NINJ2: variants seen among roughly 807,000 people sequenced by gnomAD.
NINJ2 encodes the protein ninjurin-2.
NINJ2 carries 12 observed loss-of-function variants against 11.7 expected under a neutral mutation model. The observed-to-expected ratio is 1.02, with a 90% confidence interval of 0.66 to 1.66. The LOEUF (loss-of-function observed/expected upper bound fraction) is 1.66. NINJ2 is among the 40% of genes most tolerant of loss of function. The pLI is 0.00. For missense variants in NINJ2, 187 were observed against 181.8 expected (o/e 1.03, Z -0.16); for synonymous variants, 93 against 76.8 (o/e 1.21, Z -1.10).
In NINJ2 at chr12:628,077, A is replaced by G. The variant is rs1948230025; in HGVS notation, c.33+35251T>C. Reference sequence around the variant, plus strand: ...AGGCCTGGGAGTGAAAAGACTGGCCATGGGGACAGAGAGCTGGATCCAAAG... The same window carrying G: ...AGGCCTGGGAGTGAAAAGACTGGCCGTGGGGACAGAGAGCTGGATCCAAAG... On this transcript the variant is annotated intron_variant, in intron 1 of 3. Coordinates refer to ENST00000305108, the MANE Select transcript of NINJ2 (RefSeq NM_016533.6). The surrounding 1 kb of genome is among the most constrained non-coding windows in gnomAD (Gnocchi z 4.4). Among the ~76,000 whole-genome samples, 1 of 152,190 alleles carries G rather than the reference A, an allele frequency of 6.6e-6. No individual in the cohort carries two copies. The highest frequency in any genetic ancestry group is 2.1e-4 in the South Asian group (1 of 4,838).
At chr12:621,103 GA>G (rs2120377929) in intron 1 of NINJ2, among the ~76,000 whole-genome samples, 1 of 152,282 alleles carries the variant, frequency 6.6e-6, no homozygotes, top group East Asian at 1.9e-4. Context: ...GCTACTAGAA[GA>G]GGTTCCCCTG....
In NINJ2 at chr12:580,948, G is replaced by A. The variant is rs1242615697; in HGVS notation, c.34-14770C>T. Among the ~76,000 whole-genome samples, 3 of 151,652 alleles carry A rather than the reference G, an allele frequency of 2.0e-5. No homozygotes were observed. The highest frequency in any genetic ancestry group is 7.3e-5 in the African/African-American group (3 of 41,228). On this transcript the variant is annotated intron_variant, in intron 1 of 3. Coordinates refer to ENST00000305108, the MANE Select transcript of NINJ2 (RefSeq NM_016533.6). This position sits in a 1 kb window ranked among gnomAD's most constrained non-coding sequence, Gnocchi z 4.7. ...TGTGTGTGTGCCTGTGTGTCTGTGT[G>A]TATTCATGTGTGTTTGTGTGTATGT...
chr12:566,905 C>G (rs1261900743), intron 1 of NINJ2, among the ~76,000 whole-genome samples: 1 of 152,200 alleles, frequency 6.6e-6, no homozygotes, highest in East Asian at 1.9e-4. Flanking sequence ...AAGACAGAAT[C>G]ACAATACAGG....
rs528035298 is a variant in NINJ2 at position 616,367 on chromosome 12, T to C, written c.33+46961A>G. 2.0e-5 allele frequency among the ~76,000 whole-genome samples: 3 copies of C among 152,392 alleles called. No homozygotes were observed. The South Asian group carries it at 6.2e-4, about 32-fold the overall frequency. On this transcript the variant is annotated intron_variant, in intron 1 of 3. Coordinates refer to ENST00000305108, the MANE Select transcript of NINJ2 (RefSeq NM_016533.6). ...CCATGGTTTATACCTCATGACTTCT[T>C]GCATTCTGCTGAATATTCTAGACTG...
intron 1 of NINJ2, among the ~76,000 whole-genome samples, chr12:611,639 A>G (rs1342452871): frequency 6.6e-6 from 1 of 152,222 alleles, no homozygotes; most frequent in Non-Finnish European, 1.5e-5. Flanking sequence ...CCCGGCTCCC[A>G]GGGCTTTCTT....
intron 1 of NINJ2, among the ~76,000 whole-genome samples, chr12:608,656 C>T (rs1438987800): frequency 2.0e-5 from 3 of 152,260 alleles, no homozygotes; most frequent in Non-Finnish European, 2.9e-5. Context: ...CAGCCACAGT[C>T]CTCCTGCTAG....
chr12:583,774 G>C (rs758794), intron 1 of NINJ2, among the ~76,000 whole-genome samples: 2 of 152,024 alleles, frequency 1.3e-5, no homozygotes, highest in Admixed American at 6.5e-5. Flanking sequence ...TTGAGGACGC[G>C]GACACTTAGA....
At chr12:648,506 T>C (rs187844988) in intron 1 of NINJ2, among the ~76,000 whole-genome samples, 4 of 152,362 alleles carry the variant, frequency 2.6e-5, no homozygotes, top group Admixed American at 2.6e-4. Context: ...AAACAAGGGC[T>C]AGACCCGTTC....
intron 1 of NINJ2, among the ~76,000 whole-genome samples, chr12:649,201 C>A (rs185214627): frequency 9.1e-4 from 138 of 152,206 alleles, no homozygotes; most frequent in African/African-American, 3.2e-3. Context: ...CATGCGCCAC[C>A]ACACTCGGCT....
intron 1 of NINJ2, among the ~76,000 whole-genome samples, chr12:619,070 T>G (rs149213140): frequency 1.3e-5 from 2 of 152,056 alleles, no homozygotes; most frequent in African/African-American, 4.8e-5. Flanking sequence ...GGAGAAATAG[T>G]TGGGGAGTGA....
At chr12:642,475 G>T (rs1307599133) in intron 1 of NINJ2, among the ~76,000 whole-genome samples, 1 of 152,176 alleles carries the variant, frequency 6.6e-6, no homozygotes, top group African/African-American at 2.4e-5. Context: ...AGGTCCCCCC[G>T]CCTCGGCCTG....
chr12:589,447 G>C (rs1947688878), intron 1 of NINJ2: 1 of 152,180 alleles, frequency 6.6e-6, no homozygotes, highest in East Asian at 1.9e-4. Context: ...ACAGATATGG[G>C]AGGAATTTCT....
intron 1 of NINJ2, among the ~76,000 whole-genome samples, chr12:658,965 C>A (rs1327608156): frequency 6.6e-6 from 1 of 151,206 alleles, no homozygotes; most frequent in Non-Finnish European, 1.5e-5. Context: ...TCTGGCCTTC[C>A]TTCTCCATTT....
intron 2 of NINJ2, chr12:565,638 C>T (rs1000921313): frequency 6.5e-6 from 4 of 610,938 alleles, no homozygotes; most frequent in African/African-American, 5.5e-5. Flanking sequence ...GTCCTGTAAG[C>T]GTGGGGACGA....
intron 1 of NINJ2, among the ~76,000 whole-genome samples, chr12:617,099 G>A (rs777717600): frequency 1.4e-4 from 21 of 152,216 alleles, no homozygotes; most frequent in Middle Eastern, 6.8e-3. Flanking sequence ...CCTGCTACTC[G>A]GGAGGCTGAG....
At chr12:658,351 A>G (rs535287612) in intron 1 of NINJ2, among the ~76,000 whole-genome samples, 1 of 152,300 alleles carries the variant, frequency 6.6e-6, no homozygotes, top group African/African-American at 2.4e-5. Context: ...CTTGGAAGCA[A>G]CCAAGATGTC....
intron 1 of NINJ2, among the ~76,000 whole-genome samples, chr12:576,043 A>T (rs1947453870): frequency 6.6e-6 from 1 of 152,086 alleles, no homozygotes; most frequent in Admixed American, 6.5e-5. Flanking sequence ...AAGAGCAGTG[A>T]TCTCGCCCTT....
intron 1 of NINJ2, among the ~76,000 whole-genome samples, chr12:626,602 G>A (rs11609783): frequency 0.084 from 12,805 of 152,184 alleles, 700 homozygotes; most frequent in Non-Finnish European, 0.12. Flanking sequence ...CATAAAAGGT[G>A]AAACACAGAA....
intron 1 of NINJ2, among the ~76,000 whole-genome samples, chr12:574,120 C>T (rs2120807016): frequency 1.3e-5 from 2 of 152,124 alleles, no homozygotes; most frequent in Middle Eastern, 6.8e-3. Context: ...ACTTGGGAAG[C>T]TGAGGCAGGA....
Sources: allele counts gnomAD v4.1 joint callset (sites outside exome capture counted in the v4.1 genomes callset), GRCh38; gene constraint gnomAD v4.1.1; non-coding constraint Gnocchi (gnomAD v3.1); transcripts MANE v1.5; gene names NCBI Gene and HGNC (gene_info 2026-07-23, HGNC 2026-07-21).